TRAP1: variants seen among roughly 807,000 people sequenced by gnomAD.
The protein encoded by TRAP1 is TNF receptor associated protein 1.
Under a neutral mutation model 89.1 loss-of-function variants are expected in TRAP1, and 102 were observed. That is an observed-to-expected ratio of 1.15 (90% CI 0.98 to 1.35). The LOEUF (loss-of-function observed/expected upper bound fraction) is 1.35. TRAP1 is among the 40% of genes most tolerant of loss of function. The pLI, the probability that TRAP1 is intolerant of heterozygous loss-of-function variation, is 0.00. For synonymous variants in TRAP1, 508 were observed against 388.0 expected, an observed-to-expected ratio of 1.31 and a Z score of -3.64; for missense variants, 1,256 against 945.3, an observed-to-expected ratio of 1.33 and a Z score of -4.31.
intron 1 of TRAP1, among the ~76,000 whole-genome samples, chr16:3,709,892 C>G (rs1352671017): frequency 6.6e-6 from 1 of 152,170 alleles, no homozygotes; most frequent in Non-Finnish European, 1.5e-5. Context: ...TCAGGTGATC[C>G]ACCCGCCTCA....
chr16:3,686,084 C>T lies in TRAP1; in HGVS notation c.383G>A (p.Arg128His), dbSNP rs61758086. The T allele has an allele frequency of 2.5e-3, 4,088 of 1,614,088 alleles. 23 individuals carry two copies. Among genetic ancestry groups the T allele is most frequent in the Middle Eastern group, 0.017 (105 of 6,060 alleles). ...TTGGCCGTCAGACACCAGTTTGTGA[C>T]GCAGTTTTTCCAAGGCATCGCTGGC... is the stretch of plus-strand genomic sequence containing the variant. ...SNASDALEKL[R>H]HKLVSDGQAL... The change falls in exon 4 of 18, where the codon CGT becomes CAT. Residue 128 changes from arginine to histidine, a missense_variant. Transcript: ENST00000246957.
At chr16:3,689,167 A>C (rs750194447) in intron 2 of TRAP1, 30 bp from the exon 3 acceptor site, 1 of 1,583,868 alleles carries the variant, frequency 6.3e-7, no homozygotes, top group East Asian at 2.2e-5. Flanking sequence ...ACAACCAACA[A>C]AGTTTAACTT....
chr16:3,662,771 T>TCTG (rs1460754914), intron 15 of TRAP1, 111 bp downstream of exon 15: 2 of 1,011,416 alleles, frequency 2.0e-6, no homozygotes, highest in Non-Finnish European at 3.1e-6. Context: ...ACCAAGGGCT[T>TCTG]CTGCTGCTGC....
intron 1 of TRAP1, among the ~76,000 whole-genome samples, chr16:3,702,586 T>C (rs973966979): frequency 2.0e-5 from 3 of 151,084 alleles, no homozygotes; most frequent in Non-Finnish European, 4.4e-5. Flanking sequence ...CTACCAAAAA[T>C]ACAAAAACTT....
chr16:3,710,163 G>C (rs1047837927), intron 1 of TRAP1, among the ~76,000 whole-genome samples: 1 of 152,148 alleles, frequency 6.6e-6, no homozygotes, highest in Non-Finnish European at 1.5e-5. Flanking sequence ...AACAAAAAGC[G>C]AAAGGGCACC....
intron 1 of TRAP1, among the ~76,000 whole-genome samples, chr16:3,706,762 C>T (rs181622263): frequency 7.2e-5 from 11 of 152,192 alleles, no homozygotes; most frequent in East Asian, 1.9e-4. Context: ...CACCCAGCCT[C>T]GTTTCCACCT....
intron 16 of TRAP1, chr16:3,661,198 C>A (rs2151236924): frequency 1.3e-5 from 2 of 151,910 alleles, no homozygotes; most frequent in East Asian, 3.9e-4. Context: ...ATGTAAGGTA[C>A]CAAAGGATGT....
rs2051176334 is a variant in TRAP1, at chr16:3,689,061, T to C, written c.324A>G (p.Glu108=). The C allele has an allele frequency of 6.2e-7, 1 of 1,611,434 alleles. No individual in the cohort carries two copies. Among genetic ancestry groups the C allele is most frequent in the African/African-American group, 1.3e-5 (1 of 74,836 alleles). ...LDIVARSLYS[E]KEVFIRELIS... ...TGGTTAGCAGGGAACGCACCTCTTT[T>C]TCTGAGTACAGGGACCGGGCAACAA... is the stretch of plus-strand genomic sequence containing the variant. Residue 108 remains glutamate, a synonymous_variant, in exon 3 of 18, where the codon GAA becomes GAG. Coordinates refer to ENST00000246957, the MANE Select transcript of TRAP1 (RefSeq NM_016292.3).
In TRAP1 at chr16:3,679,768, T is replaced by A; in HGVS notation, c.494A>T (p.Gln165Leu). 1 of 1,614,110 alleles carries A rather than the reference T, an allele frequency of 6.2e-7. No individual in the cohort carries two copies. Among genetic ancestry groups the A allele is most frequent in the South Asian group, 1.1e-5 (1 of 91,086 alleles). ...TIQDTGIGMT[Q>L]EELVSNLGTI... ...CCCCAGGTTGGACACCAGCTCTTCC[T>A]GTGTCATCCCGATACCAGTATCCTG... Residue 165 changes from glutamine (Q) to leucine (L), a missense_variant, in exon 5 of 18, where the codon CAG (glutamine) becomes CTG (leucine). Gln to Leu is a moderately radical substitution (Grantham distance 113). Coordinates refer to ENST00000246957, the MANE Select transcript of TRAP1 (RefSeq NM_016292.3).
intron 1 of TRAP1, among the ~76,000 whole-genome samples, chr16:3,708,319 C>A (rs143604516): frequency 6.6e-6 from 1 of 151,962 alleles, no homozygotes; most frequent in Admixed American, 6.6e-5. Flanking sequence ...AACCCTGTCT[C>A]TACTAAAAAT....
At chr16:3,686,967 CA>C (rs1227732506) in intron 3 of TRAP1, 2 of 151,870 alleles carry the variant, frequency 1.3e-5, no homozygotes, top group Admixed American at 6.6e-5. Flanking sequence ...GACTCTGTCT[CA>C]AAAAAACAAA....
chr16:3,671,953 GC>G (rs1268413092), intron 10 of TRAP1, among the ~76,000 whole-genome samples, 162 bp from the exon 11 acceptor site: 5 of 152,248 alleles, frequency 3.3e-5, no homozygotes, highest in African/African-American at 1.2e-4. Context: ...TCTACGTCCT[GC>G]CACCTCCCAG....
rs201886607 is a variant in TRAP1 at position 3,671,802 on chromosome 16, C to A, written c.1166-11G>T. On this transcript the variant is annotated splice_polypyrimidine_tract_variant and intron_variant, in intron 10 of 17. Transcript: ENST00000246957. Reference sequence around the variant, plus strand: ...CACTGTCCACCACACCTGGGAGACACGGCAGTCAGCTTCTCCCGGGGCTGC... The same window carrying A: ...CACTGTCCACCACACCTGGGAGACAAGGCAGTCAGCTTCTCCCGGGGCTGC... The A allele has an allele frequency of 3.7e-6, 6 of 1,600,378 alleles. No homozygotes were observed. The African/African-American group carries it at 4.7e-5, about 12-fold the overall frequency.
At chr16:3,662,637 G>A (rs1194587489) in intron 15 of TRAP1, 2 of 672,080 alleles carry the variant, frequency 3.0e-6, no homozygotes, top group East Asian at 2.9e-5. Flanking sequence ...CAGGATGCTG[G>A]TTTTTCAGTT....
rs376692023 is a variant in TRAP1, at chr16:3,658,227, A to G, written c.2017T>C (p.Tyr673His). The stretch of plus-strand genomic sequence containing the variant: ...CCAGCAGCAATCATGGCGTTCTCGT[A>G]TATCTGAAAGGCAAGAGGAGAAACC... ...GLAQLLVDQIYENAMIAAGLV... is the reference protein window; with the variant it reads ...GLAQLLVDQIHENAMIAAGLV... The change falls in exon 18 of 18, where the codon TAC becomes CAC. Residue 673 changes from tyrosine (Y) to histidine (H), a missense_variant. Coordinates refer to ENST00000246957, the MANE Select transcript of TRAP1 (RefSeq NM_016292.3). The G allele has an allele frequency of 1.9e-6, 3 of 1,613,418 alleles. No homozygotes were observed. The highest frequency in any genetic ancestry group is 2.5e-6 in the Non-Finnish European group (3 of 1,179,706).
At chr16:3,666,411 T>C (rs1356901497) in intron 11 of TRAP1, among the ~76,000 whole-genome samples, 2 of 152,050 alleles carry the variant, frequency 1.3e-5, no homozygotes, top group African/African-American at 2.4e-5. Context: ...GAGCCAGTTG[T>C]TCCAATTATA....
Position 3,663,532 on chromosome 16 carries a change from G to C in TRAP1, c.1600C>G (p.Leu534Val), listed in dbSNP as rs751634476. The C allele has an allele frequency of 1.5e-5, 25 of 1,613,992 alleles. No homozygotes were observed. Among genetic ancestry groups the C allele is most frequent in the Non-Finnish European group, 2.0e-5 (24 of 1,180,022 alleles). Residue 534 changes from leucine to valine, a missense_variant, in exon 14 of 18, where the codon CTC becomes GTC. Transcript: ENST00000246957. ...AACTCACGAAGGTGCAGCAGGGTGA[G>C]CTCATCAAACTGCTCAAAGCAGAAG... ...VLFCFEQFDE[L>V]TLLHLREFDK...
At chr16:3,710,596 A>G (rs1259277543) in intron 1 of TRAP1, 1 of 152,184 alleles carries the variant, frequency 6.6e-6, no homozygotes, top group African/African-American at 2.4e-5. Context: ...GAAATGTTTT[A>G]AAGTCAGCCT....
Position 3,667,353 on chromosome 16 carries a change from G to C in TRAP1, c.1236-1235C>G, listed in dbSNP as rs563536519. ...TGCTAAGAATAATCAACGGGGCATG[G>C]TGGCTCCTGCCTGTAATCGCACCAC... On this transcript the variant is annotated intron_variant, in intron 11 of 17. Coordinates refer to ENST00000246957, the MANE Select transcript of TRAP1 (RefSeq NM_016292.3). Among the ~76,000 whole-genome samples the C allele has an allele frequency of 6.6e-4, 100 of 152,248 alleles. 2 individuals are homozygous for C. The South Asian group carries it at 0.019, about 30-fold the overall frequency.
Sources: gnomAD v4.1 joint callset for allele counts (sites outside exome capture counted in the v4.1 genomes callset) on GRCh38, gnomAD v4.1.1 for gene constraint, MANE v1.5 for transcripts, NCBI Gene and HGNC (gene_info 2026-07-23, HGNC 2026-07-21) for gene names.